Variants in EML6 observed in about 807,000 individuals in gnomAD.
EML6 encodes echinoderm microtubule-associated protein-like 6.
Under a neutral mutation model 240.1 loss-of-function variants are expected in EML6, and 154 were observed. That is an observed-to-expected ratio of 0.64 (90% CI 0.56 to 0.73). The LOEUF (loss-of-function observed/expected upper bound fraction) is 0.73, where lower values mean the gene tolerates loss of function less well. Among genes scored for constraint, EML6 ranks in the 30% least tolerant of loss-of-function variants. The pLI, the probability that EML6 is intolerant of heterozygous loss-of-function variation, is 0.00. For missense variants in EML6, 2,964 were observed against 2,474.6 expected, an observed-to-expected ratio of 1.20 and a Z score of -4.20; for synonymous variants, 1,148 against 899.0, an observed-to-expected ratio of 1.28 and a Z score of -4.95.
intron 5 of EML6, among the ~76,000 whole-genome samples, chr2:54,826,130 C>A (rs1222046455): frequency 6.6e-6 from 1 of 152,200 alleles, no homozygotes; most frequent in Admixed American, 6.5e-5. Flanking sequence ...ACAAAGATTT[C>A]AGTATTTTTT....
At chr2:54,856,714 C>A (rs941913364) in intron 11 of EML6, among the ~76,000 whole-genome samples, 2 of 152,088 alleles carry the variant, frequency 1.3e-5, no homozygotes, top group Non-Finnish European at 2.9e-5. Context: ...AGGGCTGTGT[C>A]GTAAAGGGCC....
At chr2:54,841,217 C>G (rs142874728) in intron 7 of EML6, among the ~76,000 whole-genome samples, 2 of 152,346 alleles carry the variant, frequency 1.3e-5, no homozygotes, top group African/African-American at 2.4e-5. Flanking sequence ...ATCTGTCCTT[C>G]CCATCCTTGA....
chr2:54,824,431 C>T (rs910772250), intron 5 of EML6, among the ~76,000 whole-genome samples: 2 of 152,124 alleles, frequency 1.3e-5, no homozygotes, highest in South Asian at 4.1e-4. Flanking sequence ...TTTTTGCTGT[C>T]TGTATTCTCT....
chr2:54,949,912 A>G (rs1675888960), intron 29 of EML6, among the ~76,000 whole-genome samples: 1 of 152,176 alleles, frequency 6.6e-6, no homozygotes, highest in Non-Finnish European at 1.5e-5. Context: ...GGTCTTTCCA[A>G]GACCTTCTCC....
chr2:54,853,792 G>T lies in EML6; in HGVS notation c.1594G>T (p.Val532Leu). ...AGTGGATGCGAATTACAACAGCTCA[G>T]TGCTGGTGTCTGGAGATGATTTTGG... ...NSVDANYNSS[V>L]LVSGDDFGLV... Residue 532 changes from valine (V) to leucine (L), a missense_variant, in exon 11 of 42, where the codon GTG becomes TTG. Coordinates refer to ENST00000356458, the MANE Select transcript of EML6 (RefSeq NM_001039753.4). 1.3e-6 allele frequency: 2 copies of T among 1,551,632 alleles called. No homozygotes were observed. Among genetic ancestry groups the T allele is most frequent in the South Asian group, 1.2e-5 (1 of 84,050 alleles).
intron 5 of EML6, among the ~76,000 whole-genome samples, chr2:54,822,815 A>C (rs1668393152): frequency 6.6e-6 from 1 of 152,206 alleles, no homozygotes; most frequent in East Asian, 1.9e-4. Context: ...TTTTACAACA[A>C]TATATATTCC....
At chr2:54,866,941 C>G (rs1671001404) in intron 14 of EML6, 57 bp downstream of exon 14, 1 of 1,019,702 alleles carries the variant, frequency 9.8e-7, no homozygotes, top group African/African-American at 1.6e-5. Context: ...CTGGCTGTCA[C>G]CAACCTTAGC....
intron 28 of EML6, among the ~76,000 whole-genome samples, chr2:54,936,973 T>C (rs1675167985): frequency 6.7e-6 from 1 of 150,242 alleles, no homozygotes; most frequent in Admixed American, 6.6e-5. Context: ...TCTCTCTTTT[T>C]TTTTTTTTTT....
intron 2 of EML6, among the ~76,000 whole-genome samples, chr2:54,764,935 G>C (rs1337959145): frequency 6.6e-6 from 1 of 152,138 alleles, no homozygotes; most frequent in African/African-American, 2.4e-5. Flanking sequence ...GGGATTGTTG[G>C]CATTTGATTA....
chr2:54,962,833 G>A (rs1318660182), intron 36 of EML6, 122 bp downstream of exon 36: 6 of 698,536 alleles, frequency 8.6e-6, no homozygotes, highest in South Asian at 3.5e-5. Flanking sequence ...GTAGGAGATC[G>A]AGTTAGAAAA....
intron 24 of EML6, among the ~76,000 whole-genome samples, chr2:54,905,112 A>G (rs1336727431): frequency 1.3e-5 from 2 of 152,168 alleles, no homozygotes; most frequent in African/African-American, 4.8e-5. Context: ...TGGCCAGACA[A>G]AGTGCCGAGG....
chr2:54,898,865 G>T (rs1244728590), intron 21 of EML6, among the ~76,000 whole-genome samples: 1 of 152,142 alleles, frequency 6.6e-6, no homozygotes, highest in African/African-American at 2.4e-5. Context: ...AAAATTATGA[G>T]AATCAAATTC....
chr2:54,836,539 A>C (rs867687002), intron 7 of EML6, among the ~76,000 whole-genome samples: 2 of 152,166 alleles, frequency 1.3e-5, no homozygotes, highest in South Asian at 4.1e-4. Flanking sequence ...CTGCAGCCCC[A>C]GCCCTGCGAC....
At chr2:54,785,047 C>A (rs1669016085) in intron 2 of EML6, among the ~76,000 whole-genome samples, 1 of 152,036 alleles carries the variant, frequency 6.6e-6, no homozygotes, top group African/African-American at 2.4e-5. Flanking sequence ...ACACCTCCAG[C>A]CTAGATCACT....
intron 28 of EML6, among the ~76,000 whole-genome samples, chr2:54,931,129 T>C (rs1304650776): frequency 9.2e-5 from 14 of 151,592 alleles, no homozygotes; most frequent in African/African-American, 2.7e-4. Context: ...GGCTAATTTT[T>C]TGTATTTTTA....
At chr2:54,916,998 C>T in intron 26 of EML6, 63 bp downstream of exon 26, 1 of 1,275,688 alleles carries the variant, frequency 7.8e-7, no homozygotes. Flanking sequence ...AATATTGTAT[C>T]TAAGTGCATT....
chr2:54,858,006 C>T (rs1670478222), intron 11 of EML6, among the ~76,000 whole-genome samples: 1 of 152,174 alleles, frequency 6.6e-6, no homozygotes. Flanking sequence ...AGTGTAAATG[C>T]ACAAACATTT....
At chr2:54,794,141 G>A (rs923877640) in intron 2 of EML6, among the ~76,000 whole-genome samples, 4 of 151,944 alleles carry the variant, frequency 2.6e-5, no homozygotes, top group African/African-American at 7.3e-5. Context: ...TCCCCATTTC[G>A]GACAAATATA....
chr2:54,958,339 C>T (rs1408169512), intron 33 of EML6, among the ~76,000 whole-genome samples: 1 of 151,936 alleles, frequency 6.6e-6, no homozygotes, highest in Non-Finnish European at 1.5e-5. Context: ...CTATAGGCAC[C>T]TGCCACCACG....
Sources: gnomAD v4.1 joint callset for allele counts (sites outside exome capture counted in the v4.1 genomes callset) on GRCh38, gnomAD v4.1.1 for gene constraint, MANE v1.5 for transcripts, NCBI Gene and HGNC (gene_info 2026-07-23, HGNC 2026-07-21) for gene names.